Variants in CSMD2 observed in about 807,000 individuals in gnomAD.
CSMD2 encodes CUB and Sushi multiple domains 2, also known as CUB and sushi domain-containing protein 2.
CSMD2 carries 130 observed loss-of-function variants against 398.5 expected under a neutral mutation model. The observed-to-expected ratio is 0.33, with a 90% CI of 0.28 to 0.38. The LOEUF is 0.38. CSMD2 is among the 10% of genes least tolerant of loss of function. The pLI is 1.00. For missense variants in CSMD2, 3,829 were observed against 4,764.9 expected (o/e 0.80, Z 5.78); for synonymous variants, 1,828 against 1,908.5 (o/e 0.96, Z 1.10).
chr1:33,863,896 C>T, intron 5 of CSMD2: 1 of 314,066 alleles, frequency 3.2e-6, no homozygotes, highest in Non-Finnish European at 5.8e-6. Context: ...ATGAATGAAC[C>T]ATCATCTTTC....
At chr1:33,975,395 A>AC (rs1301516606) in intron 3 of CSMD2, among the ~76,000 whole-genome samples, 1 of 152,096 alleles carries the variant, frequency 6.6e-6, no homozygotes. Context: ...GAACAGTATC[A>AC]GGGACATAAT....
At chr1:33,612,338 T>C (rs1021735890) in intron 40 of CSMD2, among the ~76,000 whole-genome samples, 5 of 152,226 alleles carry the variant, frequency 3.3e-5, no homozygotes, top group African/African-American at 1.2e-4. Flanking sequence ...CGACACTTAA[T>C]GTTGAAGATC....
At chr1:33,641,017 C>T (rs1444128706) in intron 29 of CSMD2, among the ~76,000 whole-genome samples, 1 of 152,152 alleles carries the variant, frequency 6.6e-6, no homozygotes, top group Non-Finnish European at 1.5e-5. Context: ...CTAACACACA[C>T]TTCAAACTCT....
chr1:33,761,869 C>G (rs971471687), intron 13 of CSMD2, among the ~76,000 whole-genome samples: 2 of 152,186 alleles, frequency 1.3e-5, no homozygotes, highest in African/African-American at 2.4e-5. Context: ...CCTGGGGGAG[C>G]TCCCTGCAAG....
intron 44 of CSMD2, among the ~76,000 whole-genome samples, chr1:33,588,746 G>C (rs1467706570): frequency 6.6e-6 from 1 of 152,156 alleles, no homozygotes; most frequent in Non-Finnish European, 1.5e-5. Flanking sequence ...ATGAAATCTT[G>C]CAGCTTGAGA....
intron 1 of CSMD2, among the ~76,000 whole-genome samples, chr1:34,107,798 G>A (rs956186597): frequency 1.2e-4 from 18 of 152,220 alleles, no homozygotes; most frequent in African/African-American, 4.3e-4. Flanking sequence ...TTTGGGGAAT[G>A]AGTCCACTAT....
chr1:33,942,266 C>T (rs1644700004), intron 3 of CSMD2, among the ~76,000 whole-genome samples: 1 of 152,224 alleles, frequency 6.6e-6, no homozygotes, highest in South Asian at 2.1e-4. Context: ...CTGCAATAGG[C>T]CATTCTTGCA....
chr1:34,131,426 C>G (rs1033037710), intron 1 of CSMD2, among the ~76,000 whole-genome samples: 11 of 152,194 alleles, frequency 7.2e-5, no homozygotes, highest in Non-Finnish European at 1.2e-4. Flanking sequence ...GCCAGCCTGC[C>G]TGGGGATGTC....
rs1406045751 is a variant in CSMD2, at chr1:34,164,031, G to C, written c.187+880C>G. Among the ~76,000 whole-genome samples the C allele has an allele frequency of 6.6e-6, 1 of 152,108 alleles. No homozygotes were observed. Among genetic ancestry groups the C allele is most frequent in the Non-Finnish European group, 1.5e-5 (1 of 68,014 alleles). ...CACCCGCTAGATCTGCCCCTTCCCG[G>C]ACTCGGTCGTCGGGAGCTGGTCCCG... is the stretch of plus-strand genomic sequence containing the variant. On this transcript the variant is annotated intron_variant, in intron 1 of 70. Coordinates refer to ENST00000373381, the MANE Select transcript of CSMD2 (RefSeq NM_001281956.2). The surrounding 1 kb of genome is among the most constrained non-coding windows in gnomAD (Gnocchi z 6.2).
intron 3 of CSMD2, among the ~76,000 whole-genome samples, chr1:33,963,660 T>C (rs542383254): frequency 5.9e-5 from 9 of 152,320 alleles, no homozygotes; most frequent in Admixed American, 4.6e-4. Context: ...AATGTAATCA[T>C]ACAGGACTCA....
intron 10 of CSMD2, among the ~76,000 whole-genome samples, chr1:33,803,229 T>C (rs994878604): frequency 1.3e-5 from 2 of 152,218 alleles, no homozygotes; most frequent in East Asian, 3.9e-4. Flanking sequence ...CACGACGGTA[T>C]TCTCAGATCC....
chr1:33,816,217 G>A (rs1657446537), intron 9 of CSMD2, among the ~76,000 whole-genome samples: 1 of 152,286 alleles, frequency 6.6e-6, no homozygotes, highest in East Asian at 1.9e-4. Flanking sequence ...TATGAGTTTA[G>A]CCACAAAGGA....
At chr1:34,122,944 G>A (rs529878296) in intron 1 of CSMD2, among the ~76,000 whole-genome samples, 4 of 152,314 alleles carry the variant, frequency 2.6e-5, no homozygotes, top group Admixed American at 6.5e-5. Flanking sequence ...CCTGCTTTAA[G>A]TGCTTTGCCT....
chr1:33,987,523 C>T (rs563808035), intron 3 of CSMD2, among the ~76,000 whole-genome samples: 3 of 152,230 alleles, frequency 2.0e-5, no homozygotes, highest in East Asian at 1.9e-4. Flanking sequence ...TTTAGTAGCA[C>T]GCCAGGCAAA....
rs111293247 is a variant in CSMD2, at chr1:33,601,988, C to T, written c.6710+381G>A. On this transcript the variant is annotated intron_variant, in intron 43 of 70. Transcript: ENST00000373381. ...TGACCAACGGGACATCACAAAATTC[C>T]ACCTCAAATCTCTTCCATTAGTCTG... 5.8e-4 allele frequency among the ~76,000 whole-genome samples: 89 copies of T among 152,336 alleles called. 1 individual carries two copies. Among genetic ancestry groups the T allele is most frequent in the Middle Eastern group, 3.4e-3 (1 of 294 alleles).
chr1:34,102,004 G>T (rs1659996323), intron 1 of CSMD2, among the ~76,000 whole-genome samples: 1 of 150,020 alleles, frequency 6.7e-6, no homozygotes, highest in African/African-American at 2.4e-5. Flanking sequence ...TTTTTGTTTT[G>T]TTTAGATTTC....
rs1047656588 is a variant in CSMD2 at position 33,519,357 on chromosome 1, T to C, written c.*53+108A>G. 69 of 650,214 alleles carry C rather than the reference T, an allele frequency of 1.1e-4. No individual in the cohort carries two copies. Among genetic ancestry groups the C allele is most frequent in the Admixed American group, 5.6e-5 (2 of 35,618 alleles). 40.3% of individuals were successfully genotyped at this position (650,214 alleles called of 1,614,324 possible). A position where few individuals can be genotyped will look rare whatever the true frequency, so the allele number is the denominator to read the frequency against. On this transcript the variant is annotated intron_variant, in intron 70 of 70. Transcript: ENST00000373381. This position sits in a 1 kb window ranked among gnomAD's most constrained non-coding sequence, Gnocchi z 5.6. ...GCTCAATGCACAGCTCTCCTCTTAC[T>C]GGGTGTGTCTATGTGGTGTGTGCGA...
intron 15 of CSMD2, among the ~76,000 whole-genome samples, chr1:33,737,437 C>T (rs761319391): frequency 5.9e-5 from 9 of 152,174 alleles, no homozygotes; most frequent in African/African-American, 1.4e-4. Context: ...ATCAAGTTAA[C>T]GCTAATGGCC....
chr1:33,571,400 G>T, intron 51 of CSMD2, 132 bp downstream of exon 51: 1 of 551,822 alleles, frequency 1.8e-6, no homozygotes, highest in Non-Finnish European at 2.8e-6. Context: ...TACTAGATGA[G>T]AGTTTAAAAA....
Sources: gnomAD v4.1 joint callset for allele counts (sites outside exome capture counted in the v4.1 genomes callset) on GRCh38, gnomAD v4.1.1 for gene constraint, Gnocchi (gnomAD v3.1) non-coding constraint, MANE v1.5 for transcripts, NCBI Gene and HGNC (gene_info 2026-07-23, HGNC 2026-07-21) for gene names.